The following GLIS3 variants were observed in gnomAD, a reference collection of about 807,000 sequenced individuals.
The protein encoded by GLIS3 is GLIS family zinc finger 3.
In GLIS3, 53 loss-of-function variants were observed where a neutral mutation model predicts 78.6. That is an observed-to-expected ratio of 0.67 (90% CI 0.54 to 0.85). The LOEUF (loss-of-function observed/expected upper bound fraction) is 0.85. Among genes scored for constraint, GLIS3 ranks in the 40% least tolerant of loss-of-function variants. The pLI, the probability that GLIS3 is intolerant of heterozygous loss-of-function variation, is 0.00. For synonymous variants in GLIS3, 684 were observed against 509.9 expected (o/e 1.34, Z -4.60); for missense variants, 1,703 against 1,231.1 (o/e 1.38, Z -5.74).
Position 4,118,323 on chromosome 9 carries a change from G to C in GLIS3, c.1155C>G (p.Gly385=). The C allele has an allele frequency of 6.4e-7, 1 of 1,573,464 alleles. No individual in the cohort carries two copies. The highest frequency in any genetic ancestry group is 1.1e-5 in the South Asian group (1 of 87,580). Residue 385 remains glycine (G), a synonymous_variant, in exon 4 of 11, where the codon GGC becomes GGG. Transcript: ENST00000381971. This position sits in a 1 kb window ranked among gnomAD's most constrained non-coding sequence, Gnocchi z 4.7. ...GCTCGTGCTCCAGGGCCCCGTCCTC[G>C]CCGTAGGCCGGCAGCGCCAGGCCTC... ...APGGLALPAY[G]EDGALEHERM...
rs745836279 is a variant in GLIS3, at chr9:4,117,792, A to C, written c.1686T>G (p.Ser562=). 2.8e-5 allele frequency: 46 copies of C among 1,614,194 alleles called. No individual in the cohort carries two copies. The Admixed American group carries it at 3.7e-4, about 13-fold the overall frequency. Residue 562 remains serine (S), a synonymous_variant, in exon 4 of 11, where the codon TCT becomes TCG. Coordinates refer to ENST00000381971, the MANE Select transcript of GLIS3 (RefSeq NM_001042413.2). ...CCGTACACTTGTTGGGCTTCTCCCCAGAGTGGACTCTCATGTGGATCAGCA... is the reference window on the plus strand; with the variant it reads ...CCGTACACTTGTTGGGCTTCTCCCCCGAGTGGACTCTCATGTGGATCAGCA... ...YKLLIHMRVH[S]GEKPNKCTFE...
the GLIS3 span, among the ~76,000 whole-genome samples, chr9:4,423,309 C>T: frequency 9.8e-5 from 15 of 152,288 alleles, no homozygotes; most frequent in African/African-American, 3.4e-4. Flanking sequence ...CTCCACCACA[C>T]GGAAGGGCGG....
At chr9:4,315,010 G>T (rs1248437316) in intron 2 of GLIS3, among the ~76,000 whole-genome samples, 2 of 152,200 alleles carry the variant, frequency 1.3e-5, no homozygotes, top group Non-Finnish European at 2.9e-5. Context: ...CCATTCTATA[G>T]CTACTGAAGA....
chr9:3,915,685 T>C (rs1277386079), intron 6 of GLIS3, among the ~76,000 whole-genome samples: 1 of 152,190 alleles, frequency 6.6e-6, no homozygotes, highest in East Asian at 1.9e-4. Flanking sequence ...CTGTCTGTCA[T>C]AATTATCAGC....
chr9:4,149,668 T>C (rs1290817522), intron 2 of GLIS3, among the ~76,000 whole-genome samples: 1 of 152,244 alleles, frequency 6.6e-6, no homozygotes, highest in East Asian at 1.9e-4. Flanking sequence ...GTCTATTACA[T>C]AACCCCTTTT....
At chr9:4,390,597 T>C in the GLIS3 span, among the ~76,000 whole-genome samples, 1 of 152,194 alleles carries the variant, frequency 6.6e-6, no homozygotes, top group Admixed American at 6.5e-5. Context: ...GTGCCCAGTC[T>C]CTCTGGCCTC....
the GLIS3 span, among the ~76,000 whole-genome samples, chr9:4,397,653 AAAGG>A: frequency 0.011 from 1,500 of 140,542 alleles, 43 homozygotes; most frequent in African/African-American, 0.039. Context: ...GGAAGGAAGA[AAAGG>A]AAGGAAGGAA....
intron 4 of GLIS3, among the ~76,000 whole-genome samples, chr9:4,049,336 C>A (rs991540956): frequency 5.3e-5 from 8 of 152,166 alleles, no homozygotes; most frequent in African/African-American, 1.9e-4. Flanking sequence ...CTGCAGGGCC[C>A]CTTCCTCACC....
At chr9:4,224,636 G>A (rs1272603008) in intron 2 of GLIS3, among the ~76,000 whole-genome samples, 3 of 151,836 alleles carry the variant, frequency 2.0e-5, no homozygotes, top group East Asian at 1.9e-4. Flanking sequence ...CTTACGAGAC[G>A]CATTTTGAGT....
At chr9:4,263,379 A>G (rs1393271578) in intron 2 of GLIS3, among the ~76,000 whole-genome samples, 1 of 152,214 alleles carries the variant, frequency 6.6e-6, no homozygotes, top group Non-Finnish European at 1.5e-5. Flanking sequence ...CATGTGAGAT[A>G]AATGTTGAAC....
chr9:4,381,615 G>C, the GLIS3 span, among the ~76,000 whole-genome samples: 1 of 151,164 alleles, frequency 6.6e-6, no homozygotes, highest in South Asian at 2.1e-4. Flanking sequence ...CTCCAACTGG[G>C]GCATGCCTGT....
In GLIS3 at chr9:4,274,546, T is replaced by C. The variant is rs181748011; in HGVS notation, c.388+11492A>G. On this transcript the variant is annotated intron_variant, in intron 2 of 10. Coordinates refer to ENST00000381971, the MANE Select transcript of GLIS3 (RefSeq NM_001042413.2). The stretch of plus-strand genomic sequence containing the variant: ...GCCAGAAGCAGAGGGTGGCAATGAA[T>C]ATTGGGTGGAAGTGGAAGAGTCAGC... Among the ~76,000 whole-genome samples, 393 of 152,188 alleles carry C rather than the reference T, an allele frequency of 2.6e-3. 5 individuals are homozygous for C. The highest frequency in any genetic ancestry group is 7.5e-3 in the Admixed American group (114 of 15,300).
chr9:4,196,946 G>C (rs1244191117), intron 2 of GLIS3, among the ~76,000 whole-genome samples: 1 of 150,948 alleles, frequency 6.6e-6, no homozygotes, highest in African/African-American at 2.4e-5. Context: ...TCCACCCCTA[G>C]GCAGAACTCC....
At chr9:4,392,514 T>C in the GLIS3 span, among the ~76,000 whole-genome samples, 8 of 152,184 alleles carry the variant, frequency 5.3e-5, no homozygotes, top group Non-Finnish European at 7.3e-5. Flanking sequence ...TAACCCCTTC[T>C]GGGGAAGGGA....
At chr9:3,872,111 A>G (rs779777845) in intron 8 of GLIS3, among the ~76,000 whole-genome samples, 1 of 152,220 alleles carries the variant, frequency 6.6e-6, no homozygotes, top group African/African-American at 2.4e-5. Flanking sequence ...CTAAAACGTA[A>G]CAAGAGTCAC....
chr9:3,961,883 G>C (rs1817579987), intron 4 of GLIS3, among the ~76,000 whole-genome samples: 1 of 152,080 alleles, frequency 6.6e-6, no homozygotes, highest in South Asian at 2.1e-4. Flanking sequence ...TGATCACAAA[G>C]TATCTTGACA....
chr9:4,104,663 T>G (rs1830621435), intron 4 of GLIS3, among the ~76,000 whole-genome samples: 1 of 152,176 alleles, frequency 6.6e-6, no homozygotes, highest in Admixed American at 6.5e-5. Context: ...CTTCTTCCTC[T>G]TCACTCCACT....
the GLIS3 span, among the ~76,000 whole-genome samples, chr9:4,383,933 C>A: frequency 1.3e-4 from 20 of 152,192 alleles, no homozygotes; most frequent in Non-Finnish European, 2.5e-4. Flanking sequence ...AGAGAGAGCA[C>A]GAACCCCTCA....
At chr9:4,413,952 T>C in the GLIS3 span, among the ~76,000 whole-genome samples, 32 of 152,284 alleles carry the variant, frequency 2.1e-4, no homozygotes, top group Admixed American at 2.6e-4. Context: ...GGTTATCATA[T>C]GCATTTACAG....
Sources: gnomAD v4.1 joint callset for allele counts (sites outside exome capture counted in the v4.1 genomes callset) on GRCh38, gnomAD v4.1.1 for gene constraint, Gnocchi (gnomAD v3.1) non-coding constraint, MANE v1.5 for transcripts, NCBI Gene and HGNC (gene_info 2026-07-23, HGNC 2026-07-21) for gene names.